KCNJ6: variants seen among roughly 807,000 people sequenced by gnomAD.
KCNJ6 encodes G protein-activated inward rectifier potassium channel 2.
A neutral mutation model predicts 34.2 loss-of-function variants in KCNJ6; 9 were observed. The ratio of observed to expected loss-of-function variants is 0.26; its 90% CI spans 0.16 to 0.46. The LOEUF (loss-of-function observed/expected upper bound fraction) is 0.46, where lower values mean the gene tolerates loss of function less well. Ranked by LOEUF, KCNJ6 falls within the 20% of genes least tolerant of loss-of-function variation. The pLI is 1.00. For synonymous variants in KCNJ6, 196 were observed against 207.1 expected (o/e 0.95, Z 0.46); for missense variants, 236 against 531.3 (o/e 0.44, Z 5.46).
Position 37,726,577 on chromosome 21 carries a change from G to A in KCNJ6, c.26-11446C>T, listed in dbSNP as rs1243346641. Among the ~76,000 whole-genome samples, 5 of 152,166 alleles carry A rather than the reference G, an allele frequency of 3.3e-5. No individual in the cohort carries two copies. In the East Asian group the frequency reaches 9.6e-4, roughly 29 times the overall value. The stretch of plus-strand genomic sequence containing the variant: ...ACTTTGCAAATATTGCCATCTTACA[G>A]TAATGTGTGCATGTTTGTGAATGTG... On this transcript the variant is annotated intron_variant, in intron 2 of 3. Transcript: ENST00000609713.
intron 3 of KCNJ6, among the ~76,000 whole-genome samples, chr21:37,681,788 G>GAGA (rs5843849): frequency 0.98 from 148,728 of 152,158 alleles, 72,723 homozygotes; most frequent in East Asian, 1. Context: ...ACGAAGAGAG[G>GAGA]AGTAGAGGGA....
chr21:37,658,846 A>G (rs937144527), intron 3 of KCNJ6, among the ~76,000 whole-genome samples: 3 of 152,250 alleles, frequency 2.0e-5, no homozygotes, highest in Non-Finnish European at 2.9e-5. Context: ...AGATCCTCCA[A>G]TGCCCAGGCT....
chr21:37,783,373 T>C (rs2055178604), intron 2 of KCNJ6, among the ~76,000 whole-genome samples: 1 of 152,164 alleles, frequency 6.6e-6, no homozygotes, highest in Admixed American at 6.5e-5. Context: ...GTTTCCCCTA[T>C]CCTGTTCTCA....
intron 2 of KCNJ6, among the ~76,000 whole-genome samples, chr21:37,769,147 T>G (rs533879888): frequency 6.6e-6 from 1 of 152,334 alleles, no homozygotes; most frequent in South Asian, 2.1e-4. Flanking sequence ...AGGCTGTGGT[T>G]AAGCTGCATT....
chr21:37,883,948 G>A (rs1447320406), intron 1 of KCNJ6, among the ~76,000 whole-genome samples: 1 of 152,186 alleles, frequency 6.6e-6, no homozygotes, highest in Non-Finnish European at 1.5e-5. Flanking sequence ...CTGTTTGCCA[G>A]AAGCTGAGCT....
At chr21:37,678,421 G>C (rs150731607) in intron 3 of KCNJ6, among the ~76,000 whole-genome samples, 156 of 152,310 alleles carry the variant, frequency 1.0e-3, no homozygotes, top group African/African-American at 3.6e-3. Flanking sequence ...TGTATAGAGA[G>C]GTGGGGATGC....
At chr21:37,776,146 T>C (rs2055141075) in intron 2 of KCNJ6, among the ~76,000 whole-genome samples, 1 of 152,220 alleles carries the variant, frequency 6.6e-6, no homozygotes, top group Non-Finnish European at 1.5e-5. Flanking sequence ...TATTTGGCTC[T>C]CTGTCTGTTA....
intron 2 of KCNJ6, among the ~76,000 whole-genome samples, chr21:37,723,463 T>G (rs1324167238): frequency 1.3e-5 from 2 of 152,204 alleles, no homozygotes; most frequent in Admixed American, 6.5e-5. Flanking sequence ...AGAAGATACA[T>G]GCATTTGTAT....
chr21:37,764,407 T>C (rs13048526), intron 2 of KCNJ6, among the ~76,000 whole-genome samples: 93,241 of 150,336 alleles, frequency 0.62, 29,649 homozygotes, highest in African/African-American at 0.75. Context: ...TTAAGACAGT[T>C]TTGCTCTGCT....
intron 1 of KCNJ6, among the ~76,000 whole-genome samples, chr21:37,841,189 A>G (rs1214566937): frequency 2.6e-5 from 4 of 152,166 alleles, no homozygotes; most frequent in African/African-American, 4.8e-5. Context: ...TTAAAAAGTC[A>G]TAGGTTTTGA....
chr21:37,659,550 G>A (rs1257975853), intron 3 of KCNJ6, among the ~76,000 whole-genome samples: 1 of 152,224 alleles, frequency 6.6e-6, no homozygotes, highest in Non-Finnish European at 1.5e-5. Flanking sequence ...AGAGGGAAGG[G>A]CAGAGGAAAG....
chr21:37,830,119 G>A (rs1440639657), intron 2 of KCNJ6, among the ~76,000 whole-genome samples: 1 of 152,138 alleles, frequency 6.6e-6, no homozygotes, highest in Non-Finnish European at 1.5e-5. Context: ...GGAAAAATCA[G>A]TGCATCTTTC....
intron 3 of KCNJ6, among the ~76,000 whole-genome samples, chr21:37,696,149 T>C (rs1262552795): frequency 6.6e-6 from 1 of 152,216 alleles, no homozygotes; most frequent in Non-Finnish European, 1.5e-5. Context: ...GTAACCATCG[T>C]AGAAATAACC....
chr21:37,723,236 C>T (rs2054835994), intron 2 of KCNJ6, among the ~76,000 whole-genome samples: 1 of 152,176 alleles, frequency 6.6e-6, no homozygotes, highest in Non-Finnish European at 1.5e-5. Flanking sequence ...TACCTTCTCA[C>T]ACCAGTCAGA....
intron 2 of KCNJ6, chr21:37,717,305 G>A (rs920324044): frequency 1.3e-5 from 2 of 152,566 alleles, no homozygotes; most frequent in African/African-American, 4.8e-5. Context: ...GGGCTGTTGA[G>A]GTTGGGAGGG....
chr21:37,847,637 A>ATG (rs1336042568), intron 1 of KCNJ6, among the ~76,000 whole-genome samples: 3 of 152,198 alleles, frequency 2.0e-5, no homozygotes, highest in Non-Finnish European at 2.9e-5. Flanking sequence ...AGAAGGCAAG[A>ATG]TGTGTAGAGA....
intron 2 of KCNJ6, among the ~76,000 whole-genome samples, chr21:37,727,080 GC>G (rs988605442): frequency 1.8e-4 from 27 of 152,326 alleles, no homozygotes; most frequent in Admixed American, 7.2e-4. Context: ...GGCAGAGACT[GC>G]AGAGATGTGG....
chr21:37,865,267 G>C (rs1039554363), intron 1 of KCNJ6, among the ~76,000 whole-genome samples: 1 of 152,202 alleles, frequency 6.6e-6, no homozygotes, highest in African/African-American at 2.4e-5. Flanking sequence ...AAATCACCAA[G>C]AAATACTCTA....
At chr21:37,812,236 C>T (rs2055326593) in intron 2 of KCNJ6, among the ~76,000 whole-genome samples, 1 of 152,176 alleles carries the variant, frequency 6.6e-6, no homozygotes, top group Non-Finnish European at 1.5e-5. Context: ...ACTCCCTTGG[C>T]CCCATCACCA....
Sources: allele counts gnomAD v4.1 joint callset (sites outside exome capture counted in the v4.1 genomes callset), GRCh38; gene constraint gnomAD v4.1.1; transcripts MANE v1.5; gene names NCBI Gene and HGNC (gene_info 2026-07-23, HGNC 2026-07-21).